The following KIF21A variants were observed in gnomAD, a reference collection of about 807,000 sequenced individuals.
KIF21A encodes the protein kinesin family member 21A.
KIF21A carries 114 observed loss-of-function variants against 202.9 expected under a neutral mutation model. That is an observed-to-expected ratio of 0.56 (90% CI 0.48 to 0.66). KIF21A has a LOEUF of 0.66. KIF21A is among the 30% of genes least tolerant of loss of function. KIF21A has a pLI of 0.00. For missense variants in KIF21A, 1,677 were observed against 1,994.9 expected (o/e 0.84, Z 3.04); for synonymous variants, 667 against 670.8 (o/e 0.99, Z 0.09).
chr12:39,414,296 G>C lies in KIF21A; in HGVS notation c.44+28631C>G, dbSNP rs112952357. ...TTTATTCAATGACAAAAGGGCAGCT[G>C]TGCAGAAAGCAGACCAAAAGTGCTC... On this transcript the variant is annotated intron_variant, in intron 1 of 37. Coordinates refer to ENST00000361418, the MANE Select transcript of KIF21A (RefSeq NM_001173464.2). Among the ~76,000 whole-genome samples the C allele has an allele frequency of 2.6e-3, 403 of 152,254 alleles. 4 individuals carry two copies. The highest frequency in any genetic ancestry group is 8.9e-3 in the African/African-American group (369 of 41,562).
intron 1 of KIF21A, among the ~76,000 whole-genome samples, chr12:39,435,088 A>G (rs1169506325): frequency 6.6e-6 from 1 of 152,176 alleles, no homozygotes; most frequent in African/African-American, 2.4e-5. Context: ...TGGGGAATAA[A>G]CCTTGAGCTG....
intron 16 of KIF21A, 192 bp from the exon 17 acceptor site, chr12:39,337,395 T>A: frequency 1.8e-6 from 1 of 567,178 alleles, no homozygotes; most frequent in South Asian, 2.1e-5. Flanking sequence ...TACATTTTTA[T>A]TAAATTGCTT....
chr12:39,386,785 T>C (rs1566093635), intron 1 of KIF21A, among the ~76,000 whole-genome samples: 1 of 152,142 alleles, frequency 6.6e-6, no homozygotes, highest in Non-Finnish European at 1.5e-5. Flanking sequence ...AAATCTAAGT[T>C]GACTTTACCA....
intron 1 of KIF21A, among the ~76,000 whole-genome samples, chr12:39,378,954 G>A (rs1158770825): frequency 1.3e-5 from 2 of 152,034 alleles, no homozygotes; most frequent in East Asian, 1.9e-4. Context: ...AAGTCAGTTC[G>A]GGGAAAATAA....
intron 17 of KIF21A, among the ~76,000 whole-genome samples, chr12:39,334,146 A>G (rs1399569847): frequency 6.7e-6 from 1 of 148,162 alleles, no homozygotes; most frequent in East Asian, 2.1e-4. Flanking sequence ...GGCTGCAGTG[A>G]GCCAAGACTG....
chr12:39,389,750 A>AT (rs1292777403), intron 1 of KIF21A, among the ~76,000 whole-genome samples: 9 of 151,928 alleles, frequency 5.9e-5, no homozygotes, highest in Non-Finnish European at 1.0e-4. Context: ...AGTGCAGGGC[A>AT]TTTTTTTTCT....
intron 37 of KIF21A, among the ~76,000 whole-genome samples, chr12:39,295,275 G>C (rs955319252): frequency 6.6e-6 from 1 of 152,134 alleles, no homozygotes; most frequent in Non-Finnish European, 1.5e-5. Flanking sequence ...TGTTGCCCTC[G>C]CAGGTGAATA....
chr12:39,307,390 A>G (rs937309944), intron 34 of KIF21A, among the ~76,000 whole-genome samples, 175 bp downstream of exon 34: 6 of 152,212 alleles, frequency 3.9e-5, no homozygotes, highest in South Asian at 2.1e-4. Context: ...GAAAATTGTC[A>G]GTTTGTTAAT....
At chr12:39,417,113 AT>A (rs1953826706) in intron 1 of KIF21A, among the ~76,000 whole-genome samples, 1 of 152,024 alleles carries the variant, frequency 6.6e-6, no homozygotes, top group Non-Finnish European at 1.5e-5. Context: ...AAAATGCAGT[AT>A]ATAAGACATT....
At chr12:39,416,927 A>T (rs554610366) in intron 1 of KIF21A, among the ~76,000 whole-genome samples, 303 of 150,412 alleles carry the variant, frequency 2.0e-3, no homozygotes, top group African/African-American at 7.2e-3. Flanking sequence ...ACATATAAAT[A>T]AAAAAATTTT....
intron 1 of KIF21A, among the ~76,000 whole-genome samples, chr12:39,429,715 A>G (rs993564950): frequency 1.3e-5 from 2 of 152,164 alleles, no homozygotes; most frequent in East Asian, 3.8e-4. Flanking sequence ...ATAAACAGGA[A>G]CTCACCAAAG....
intron 1 of KIF21A, among the ~76,000 whole-genome samples, chr12:39,438,203 T>A (rs895457708): frequency 6.6e-6 from 1 of 152,186 alleles, no homozygotes; most frequent in African/African-American, 2.4e-5. Context: ...ATTTGTATTA[T>A]AACCAGAATG....
chr12:39,318,063 A>G lies in KIF21A; in HGVS notation c.3908+10T>C. 3 of 1,610,960 alleles carry G rather than the reference A, an allele frequency of 1.9e-6. No individual in the cohort carries two copies. The African/African-American group carries it at 4.0e-5, about 21-fold the overall frequency. On this transcript the variant is annotated intron_variant, in intron 29 of 37. Transcript: ENST00000361418. ...ATAAATAATTGGGGCTCTTTTCCAT[A>G]ATGACTTACTTATCCTGCTGAACTG...
At chr12:39,346,433 C>T (rs1215237176) in intron 12 of KIF21A, 33 bp downstream of exon 12, 1 of 1,431,606 alleles carries the variant, frequency 7.0e-7, no homozygotes, top group Non-Finnish European at 9.2e-7. Context: ...ATTTAAACGA[C>T]ATTTTAATAA....
chr12:39,372,255 A>G (rs1219360366), intron 1 of KIF21A, among the ~76,000 whole-genome samples: 1 of 152,210 alleles, frequency 6.6e-6, no homozygotes, highest in African/African-American at 2.4e-5. Flanking sequence ...CCTCAAAAAT[A>G]TCTCATGTAA....
intron 8 of KIF21A, 95 bp downstream of exon 8, chr12:39,358,083 G>C: frequency 9.3e-7 from 1 of 1,075,292 alleles, no homozygotes; most frequent in South Asian, 1.3e-5. Flanking sequence ...ACAACCAAGA[G>C]ATTCCAGAAA....
In KIF21A at chr12:39,332,358, C is replaced by T; in HGVS notation, c.2907G>A (p.Glu969=). The stretch of plus-strand genomic sequence containing the variant: ...CCTCTCCATTCTCCTTGACTATCTT[C>T]TCCCTTCTTTTTGAAAGTTTCTCTC... ...KRREKLSKRR[E]KIVKENGEGD... is the part of the protein sequence containing the mutation. Residue 969 remains glutamate (E), a synonymous_variant, in exon 21 of 38, where the codon GAG becomes GAA. Coordinates refer to ENST00000361418, the MANE Select transcript of KIF21A (RefSeq NM_001173464.2). 1.9e-6 allele frequency: 3 copies of T among 1,613,974 alleles called. No individual in the cohort carries two copies. In the African/African-American group the frequency reaches 4.0e-5, roughly 22 times the overall value.
rs563823938 is a variant in KIF21A, at chr12:39,411,615, C to A, written c.44+31312G>T. Among the ~76,000 whole-genome samples, 23 of 152,344 alleles carry A rather than the reference C, an allele frequency of 1.5e-4. No individual in the cohort carries two copies. The East Asian group carries it at 4.4e-3, about 29-fold the overall frequency. ...GATCATGGCTCACTGCAGCATCAAT[C>A]TCCTGGGCTCAAGTGGCCCTCTTGC... is the stretch of plus-strand genomic sequence containing the variant. On this transcript the variant is annotated intron_variant, in intron 1 of 37. Coordinates refer to ENST00000361418, the MANE Select transcript of KIF21A (RefSeq NM_001173464.2).
chr12:39,315,748 T>C, intron 30 of KIF21A, 184 bp downstream of exon 30: 1 of 665,586 alleles, frequency 1.5e-6, no homozygotes, highest in Non-Finnish European at 2.8e-6. Flanking sequence ...AAACCACTAC[T>C]TTATCTAAAA....
Sources: allele counts gnomAD v4.1 joint callset (sites outside exome capture counted in the v4.1 genomes callset), GRCh38; gene constraint gnomAD v4.1.1; transcripts MANE v1.5; gene names NCBI Gene and HGNC (gene_info 2026-07-23, HGNC 2026-07-21).